The following TRIM46 variants were observed in gnomAD, a reference collection of about 807,000 sequenced individuals.
TRIM46 encodes tripartite motif-containing protein 46.
A neutral mutation model predicts 69.7 loss-of-function variants in TRIM46; 17 were observed. The observed-to-expected ratio is 0.24, with a 90% CI of 0.17 to 0.37. The LOEUF (loss-of-function observed/expected upper bound fraction) is 0.37, where lower values mean the gene tolerates loss of function less well. TRIM46 is among the 10% of genes least tolerant of loss of function. TRIM46 has a pLI of 1.00. For synonymous variants in TRIM46, 391 were observed against 429.0 expected, an observed-to-expected ratio of 0.91 and a Z score of 1.09; for missense variants, 675 against 1,025.1, an observed-to-expected ratio of 0.66 and a Z score of 4.66.
intron 1 of TRIM46, chr1:155,174,912 C>T (rs1665512238): frequency 1.4e-6 from 2 of 1,406,012 alleles, no homozygotes; most frequent in Non-Finnish European, 1.8e-6. Flanking sequence ...GGCAGGAGGA[C>T]GTATGGAGCG....
chr1:155,174,452 G>A, intron 1 of TRIM46: 1 of 1,329,074 alleles, frequency 7.5e-7, no homozygotes, highest in Non-Finnish European at 9.8e-7. Context: ...CCCTCCCCAA[G>A]ACCCCACCCC....
Position 155,182,220 on chromosome 1 carries a change from G to A in TRIM46, c.1886+71G>A, listed in dbSNP as rs116486745. Reference sequence around the variant, plus strand: ...GTGAGGGGCACAGAAGGGGTGGCAAGTGGAGCACAGACTTGCTAGGGTGGG... The same window carrying A: ...GTGAGGGGCACAGAAGGGGTGGCAAATGGAGCACAGACTTGCTAGGGTGGG... On this transcript the variant is annotated intron_variant, in intron 9 of 9. Transcript: ENST00000334634. 5,832 of 1,476,336 alleles carry A rather than the reference G, an allele frequency of 4.0e-3. 186 individuals carry two copies. The African/African-American group carries it at 0.072, about 18-fold the overall frequency. 91.5% of individuals were successfully genotyped at this position (1,476,336 alleles called of 1,614,324 possible).
intron 8 of TRIM46, chr1:155,180,689 T>A (rs1281637888): frequency 6.1e-6 from 1 of 164,440 alleles, no homozygotes; most frequent in Non-Finnish European, 1.3e-5. Flanking sequence ...GGTGGGTGGA[T>A]CCCCTGAGGT....
Position 155,181,958 on chromosome 1 carries a change from G to A in TRIM46, c.1695G>A (p.Leu565=), listed in dbSNP as rs755558243. Residue 565 remains leucine (L), a synonymous_variant, in exon 9 of 10, where the codon CTG becomes CTA. Transcript: ENST00000334634. The surrounding 1 kb of genome is among the most constrained non-coding windows in gnomAD (Gnocchi z 4.3). ...GTGTTCCAGGGCTGCCCCTGCTGCT[G>A]GCTGCTGACCGGCTGCTGACCGGCT... ...VRSVPGLPLL[L]AADRLLTGCH... 1 of 1,614,070 alleles carries A rather than the reference G, an allele frequency of 6.2e-7. No homozygotes were observed. Among genetic ancestry groups the A allele is most frequent in the South Asian group, 1.1e-5 (1 of 91,082 alleles).
rs1666151979 is a variant in TRIM46 at position 155,181,224 on chromosome 1, T to G, written c.1589-628T>G. Among the ~76,000 whole-genome samples, 1 of 152,156 alleles carries G rather than the reference T, an allele frequency of 6.6e-6. No individual in the cohort carries two copies. The highest frequency in any genetic ancestry group is 1.5e-5 in the Non-Finnish European group (1 of 68,022). On this transcript the variant is annotated intron_variant, in intron 8 of 9. Transcript: ENST00000334634. The surrounding 1 kb of genome is among the most constrained non-coding windows in gnomAD (Gnocchi z 4.3). ...CACTGCACTCCAGCCTGGGGAACAG[T>G]GTGAGACTCCGTCTCAAAAACATAT...
Position 155,184,065 on chromosome 1 carries a change from G to A in TRIM46, c.2155G>A (p.Asp719Asn). 1 of 1,614,124 alleles carries A rather than the reference G, an allele frequency of 6.2e-7. No individual in the cohort carries two copies. Among genetic ancestry groups the A allele is most frequent in the Non-Finnish European group, 8.5e-7 (1 of 1,180,030 alleles). The change falls in exon 10 of 10, where the codon GAC becomes AAC. Residue 719 changes from aspartate (D) to asparagine (N), a missense_variant. Asp to Asn is a conservative substitution (Grantham distance 23). Around this residue, in one of 5 missense-constraint regions of TRIM46, gnomAD observed 108 missense variants for 153.0 expected, o/e 0.71. Coordinates refer to ENST00000334634, the MANE Select transcript of TRIM46 (RefSeq NM_025058.5). This position sits in a 1 kb window ranked among gnomAD's most constrained non-coding sequence, Gnocchi z 5.6. ...SFRGLLECPLDCSGPVCPAFC... is the reference protein window; with the variant it reads ...SFRGLLECPLNCSGPVCPAFC... ...CCGTGGGCTCTTGGAGTGCCCCCTGGACTGCTCAGGGCCTGTGTGCCCTGC... is the reference window on the plus strand; with the variant it reads ...CCGTGGGCTCTTGGAGTGCCCCCTGAACTGCTCAGGGCCTGTGTGCCCTGC...
chr1:155,175,725 C>T lies in TRIM46; in HGVS notation c.325+78C>T, dbSNP rs558480648. ...AAGATGGAAGAAGTCCATCACTGGT[C>T]AGAGGCATCTGTCTGTCTTTCTGGG... On this transcript the variant is annotated intron_variant, in intron 2 of 9. Coordinates refer to ENST00000334634, the MANE Select transcript of TRIM46 (RefSeq NM_025058.5). The surrounding 1 kb of genome is among the most constrained non-coding windows in gnomAD (Gnocchi z 4.2). The T allele has an allele frequency of 2.5e-6, 4 of 1,605,820 alleles. No homozygotes were observed. The South Asian group carries it at 4.4e-5, about 18-fold the overall frequency.
At chr1:155,178,893 C>T (rs887778356) in intron 7 of TRIM46, 2 of 1,337,666 alleles carry the variant, frequency 1.5e-6, no homozygotes, top group African/African-American at 1.5e-5. Context: ...CGCCGGGCCC[C>T]CTTCCCACCC....
intron 1 of TRIM46, chr1:155,174,572 C>T (rs374604784): frequency 1.3e-5 from 19 of 1,515,742 alleles, no homozygotes; most frequent in Middle Eastern, 1.7e-4. Context: ...TTCCTCCCCC[C>T]CTCCTTGTTC....
At chr1:155,178,838 G>A in intron 7 of TRIM46, 1 of 1,455,290 alleles carries the variant, frequency 6.9e-7, no homozygotes, top group Non-Finnish European at 9.1e-7. Flanking sequence ...CTGCTCCGGA[G>A]CACCCCAGGC....
intron 9 of TRIM46, among the ~76,000 whole-genome samples, chr1:155,183,104 C>A (rs981548916): frequency 6.6e-6 from 1 of 151,778 alleles, no homozygotes; most frequent in East Asian, 2.0e-4. Context: ...TAGAGACGGG[C>A]TTTCACCGTG....
intron 1 of TRIM46, chr1:155,174,655 G>A (rs1466718343): frequency 6.6e-7 from 1 of 1,513,642 alleles, no homozygotes; most frequent in Non-Finnish European, 8.8e-7. Context: ...AGGTGTGGGG[G>A]TGGGGCATAG....
At position 155,175,498 on chromosome 1, in the gene TRIM46, A is replaced by G; in HGVS notation, c.176A>G (p.Glu59Gly). 1 of 1,614,058 alleles carries G rather than the reference A, an allele frequency of 6.2e-7. No homozygotes were observed. Among genetic ancestry groups the G allele is most frequent in the South Asian group, 1.1e-5 (1 of 91,086 alleles). The part of the protein sequence containing the change: ...THNVCQACAR[E>G]VLGQQGYIGH... Reference sequence around the variant, plus strand: ...AACGTGTGCCAGGCCTGTGCCCGAGAGGTCTTGGGCCAGCAGGGCTACATA... The same window carrying G: ...AACGTGTGCCAGGCCTGTGCCCGAGGGGTCTTGGGCCAGCAGGGCTACATA... The change falls in exon 2 of 10, where the codon GAG (glutamate) becomes GGG (glycine). Residue 59 changes from glutamate to glycine, a missense_variant. Glu to Gly is a moderately conservative substitution (Grantham distance 98, BLOSUM62 -2). Transcript: ENST00000334634. This position sits in a 1 kb window ranked among gnomAD's most constrained non-coding sequence, Gnocchi z 4.2.
At position 155,184,422 on chromosome 1, in the gene TRIM46, A is replaced by C. The variant is rs1571766618; in HGVS notation, c.*232A>C. The C allele has an allele frequency of 3.7e-6, 2 of 539,110 alleles. No individual in the cohort carries two copies. The highest frequency in any genetic ancestry group is 6.5e-6 in the Non-Finnish European group (2 of 308,888). 33.4% of individuals were successfully genotyped at this position (539,110 alleles called of 1,614,324 possible). On this transcript the variant is annotated 3_prime_UTR_variant, in exon 10 of 10. Coordinates refer to ENST00000334634, the MANE Select transcript of TRIM46 (RefSeq NM_025058.5). The surrounding 1 kb of genome is among the most constrained non-coding windows in gnomAD (Gnocchi z 5.6). Reference sequence around the variant, plus strand: ...TCCATTGCTTGTTAGCCAGGCCCCCACCCCCACTGAGTCTGCCCTATGACC... The same window carrying C: ...TCCATTGCTTGTTAGCCAGGCCCCCCCCCCCACTGAGTCTGCCCTATGACC...
chr1:155,174,711 G>T, intron 1 of TRIM46: 2 of 1,448,668 alleles, frequency 1.4e-6, no homozygotes, highest in Non-Finnish European at 1.8e-6. Context: ...GGGGACTTCC[G>T]GTGGGGAGGG....
chr1:155,177,269 G>A lies in TRIM46; in HGVS notation c.888G>A (p.Glu296=). 6.2e-7 allele frequency: 1 copy of A among 1,614,144 alleles called. No homozygotes were observed. Among genetic ancestry groups the A allele is most frequent in the Admixed American group, 1.7e-5 (1 of 60,034 alleles). Residue 296 remains glutamate, a synonymous_variant, in exon 5 of 10, where the codon GAG becomes GAA. Transcript: ENST00000334634. ...TACAGACCCAGATCTGTGAGCTGGA[G>A]GAGGCCGTGAGGCACACCGAGGTGA... The part of the protein sequence containing the change: ...DTVQTQICEL[E]EAVRHTEVSG...
At position 155,177,300 on chromosome 1, in the gene TRIM46, G is replaced by A. The variant is rs750647889; in HGVS notation, c.909+10G>A. Reference sequence around the variant, plus strand: ...CGTGAGGCACACCGAGGTGAGGGAGGGCACAGAGGTAGGCCCTGGGCCCTG... The same window carrying A: ...CGTGAGGCACACCGAGGTGAGGGAGAGCACAGAGGTAGGCCCTGGGCCCTG... On this transcript the variant is annotated intron_variant, in intron 5 of 9. Transcript: ENST00000334634. 6.2e-7 allele frequency: 1 copy of A among 1,613,170 alleles called. No homozygotes were observed. Among genetic ancestry groups the A allele is most frequent in the Non-Finnish European group, 8.5e-7 (1 of 1,179,152 alleles).
At chr1:155,177,164 G>A (rs1665724261) in intron 4 of TRIM46, 31 bp from the exon 5 acceptor site, 2 of 1,614,056 alleles carry the variant, frequency 1.2e-6, no homozygotes, top group East Asian at 2.2e-5. Flanking sequence ...GCAGAGCTGG[G>A]CTTGATGCCC....
rs539385417 is a variant in TRIM46, at chr1:155,180,053, A to G, written c.1588+119A>G. On this transcript the variant is annotated intron_variant, in intron 8 of 9. Transcript: ENST00000334634. ...ATATAACATAGTAGGTCTCACACAC[A>G]CTAGCTCTGGAGCTAGACTGCTTGG... 1.8e-5 allele frequency: 21 copies of G among 1,145,506 alleles called. No individual in the cohort carries two copies. The South Asian group carries it at 3.3e-4, about 18-fold the overall frequency. 71.0% of individuals were successfully genotyped at this position (1,145,506 alleles called of 1,614,324 possible).
Sources: allele counts gnomAD v4.1 joint callset (sites outside exome capture counted in the v4.1 genomes callset), GRCh38; gene constraint gnomAD v4.1.1; regional missense constraint gnomAD v4.1.1; non-coding constraint Gnocchi (gnomAD v3.1); transcripts MANE v1.5; gene names NCBI Gene and HGNC (gene_info 2026-07-23, HGNC 2026-07-21).